Variants in RYR3 observed in about 807,000 individuals in gnomAD.
RYR3 encodes the protein brain ryanodine receptor-calcium release channel.
In RYR3, 207 loss-of-function variants were observed where a neutral mutation model predicts 584.3. The ratio of observed to expected loss-of-function variants is 0.35; its 90% CI spans 0.32 to 0.40. The LOEUF (loss-of-function observed/expected upper bound fraction) is 0.40. RYR3 is among the 10% of genes least tolerant of loss of function. The probability of loss-of-function intolerance (pLI) is 1.00; values close to 1 mark genes in which losing one functional copy is unlikely to be tolerated. For missense variants in RYR3, 5,616 were observed against 6,089.2 expected, an observed-to-expected ratio of 0.92 and a Z score of 2.59; for synonymous variants, 2,416 against 2,248.5, an observed-to-expected ratio of 1.07 and a Z score of -2.11.
chr15:33,543,847 T>C (rs2056029513), intron 8 of RYR3, 132 bp downstream of exon 8: 17 of 705,588 alleles, frequency 2.4e-5, no homozygotes, highest in Middle Eastern at 2.4e-4. Flanking sequence ...CCTCCAGCCA[T>C]GGGTTCCGGT....
chr15:33,833,640 A>G (rs16958116), intron 86 of RYR3, among the ~76,000 whole-genome samples: 30,215 of 152,254 alleles, frequency 0.2, 3,246 homozygotes, highest in Middle Eastern at 0.33. Context: ...AGAACTTCCC[A>G]TGGAGCACGA....
chr15:33,671,405 T>A (rs975258413), intron 38 of RYR3, among the ~76,000 whole-genome samples: 1 of 152,218 alleles, frequency 6.6e-6, no homozygotes, highest in Non-Finnish European at 1.5e-5. Flanking sequence ...CAATTGACTG[T>A]CAAGATAGGA....
At chr15:33,625,289 C>A (rs1004030668) in intron 20 of RYR3, among the ~76,000 whole-genome samples, 1 of 152,126 alleles carries the variant, frequency 6.6e-6, no homozygotes, top group African/African-American at 2.4e-5. Flanking sequence ...GCCCTTCCCC[C>A]GACATGTGGG....
chr15:33,566,606 T>A, intron 11 of RYR3, 72 bp from the exon 12 acceptor site: 1 of 1,514,044 alleles, frequency 6.6e-7, no homozygotes. Flanking sequence ...AGGGCAATAC[T>A]GCGGGAAATG....
chr15:33,658,371 A>G (rs2062947573), intron 32 of RYR3, among the ~76,000 whole-genome samples: 1 of 152,192 alleles, frequency 6.6e-6, no homozygotes, highest in African/African-American at 2.4e-5. Flanking sequence ...TTCTAACAGT[A>G]TAGCTGCTCA....
At chr15:33,503,080 G>A (rs1447467120) in intron 2 of RYR3, among the ~76,000 whole-genome samples, 2 of 152,134 alleles carry the variant, frequency 1.3e-5, no homozygotes, top group Non-Finnish European at 2.9e-5. Context: ...TTGTTATAGG[G>A]ATCATCAATT....
At chr15:33,537,703 C>T (rs73384674) in intron 5 of RYR3, among the ~76,000 whole-genome samples, 2,352 of 152,262 alleles carry the variant, frequency 0.015, 66 homozygotes, top group African/African-American at 0.054. Context: ...AGCGATGTGT[C>T]TTGGCGTGGC....
Position 33,838,071 on chromosome 15 carries a change from C to T in RYR3, c.12091C>T (p.Arg4031Cys), listed in dbSNP as rs376071087. The T allele has an allele frequency of 1.2e-4, 188 of 1,613,788 alleles. No individual in the cohort carries two copies. Among genetic ancestry groups the T allele is most frequent in the Middle Eastern group, 4.9e-4 (3 of 6,084 alleles). The change falls in exon 89 of 104, where the codon CGC (arginine) becomes TGC (cysteine). Residue 4031 changes from arginine to cysteine, a missense_variant. This residue lies in a region of RYR3 where 258 missense variants were observed against 297.3 expected (regional missense o/e 0.87). Coordinates refer to ENST00000634891, the MANE Select transcript of RYR3 (RefSeq NM_001036.6). ...VLNYFEPYLG[R>C]IEIMGGAKKI... ...AAATTACTTCGAACCCTACCTAGGA[C>T]GCATCGAGATCATGGGTGGGGCCAA...
intron 38 of RYR3, among the ~76,000 whole-genome samples, chr15:33,684,743 A>C (rs1278881180): frequency 6.6e-6 from 1 of 152,228 alleles, no homozygotes; most frequent in Non-Finnish European, 1.5e-5. Flanking sequence ...TTAGACTAAC[A>C]ATGGATCTCT....
intron 3 of RYR3, among the ~76,000 whole-genome samples, chr15:33,515,892 A>ATG (rs1209091023): frequency 1.3e-5 from 2 of 152,082 alleles, no homozygotes; most frequent in Non-Finnish European, 2.9e-5. Flanking sequence ...TATTTTGCGT[A>ATG]TGTGTGTGTG....
chr15:33,327,066 C>T (rs62013800), intron 1 of RYR3, among the ~76,000 whole-genome samples: 6 of 150,850 alleles, frequency 4.0e-5, no homozygotes, highest in Non-Finnish European at 7.4e-5. Context: ...AAGTGAAAGA[C>T]GAGACGCATG....
At chr15:33,346,041 C>T (rs1039546476) in intron 1 of RYR3, among the ~76,000 whole-genome samples, 5 of 152,144 alleles carry the variant, frequency 3.3e-5, no homozygotes, top group African/African-American at 1.2e-4. Flanking sequence ...TACAGCATTT[C>T]ATTGAATGGA....
intron 43 of RYR3, among the ~76,000 whole-genome samples, chr15:33,719,613 T>G (rs542440370): frequency 6.6e-6 from 1 of 152,356 alleles, no homozygotes; most frequent in South Asian, 2.1e-4. Context: ...AGGGCTGATG[T>G]ATGTGCTACC....
At chr15:33,416,734 T>A (rs1258892461) in intron 1 of RYR3, among the ~76,000 whole-genome samples, 1 of 152,216 alleles carries the variant, frequency 6.6e-6, no homozygotes, top group Non-Finnish European at 1.5e-5. Flanking sequence ...TTACATTTGC[T>A]TTTGAGGACT....
Position 33,826,980 on chromosome 15 carries a change from A to G in RYR3, c.11246-219A>G, listed in dbSNP as rs189117796. 3.3e-5 allele frequency among the ~76,000 whole-genome samples: 5 copies of G among 152,292 alleles called. No individual in the cohort carries two copies. In the East Asian group the frequency reaches 9.7e-4, roughly 29 times the overall value. ...GAAATCTAAATACCCAGCCCTTTCC[A>G]TCTAGCCCCTTGGGGCTCGTTAAGT... On this transcript the variant is annotated intron_variant, in intron 84 of 103. Coordinates refer to ENST00000634891, the MANE Select transcript of RYR3 (RefSeq NM_001036.6).
At chr15:33,794,127 ATTT>A (rs1481774688) in intron 67 of RYR3, among the ~76,000 whole-genome samples, 5 of 110,590 alleles carry the variant, frequency 4.5e-5, no homozygotes, top group African/African-American at 8.5e-5. Flanking sequence ...ATAAATATAT[ATTT>A]ATATATAATA....
chr15:33,750,913 G>T (rs192581884), intron 57 of RYR3, among the ~76,000 whole-genome samples: 3 of 151,768 alleles, frequency 2.0e-5, no homozygotes, highest in South Asian at 2.1e-4. Context: ...GATGTTCCCC[G>T]CCCTGTGTCC....
intron 1 of RYR3, among the ~76,000 whole-genome samples, chr15:33,323,078 T>C (rs961265829): frequency 6.6e-6 from 1 of 151,498 alleles, no homozygotes; most frequent in Non-Finnish European, 1.5e-5. Flanking sequence ...TATTTTCTCT[T>C]CCGTGCTATA....
At chr15:33,828,212 G>A (rs2077478302) in intron 85 of RYR3, among the ~76,000 whole-genome samples, 1 of 152,190 alleles carries the variant, frequency 6.6e-6, no homozygotes, top group South Asian at 2.1e-4. Context: ...TGTTGCATGT[G>A]TTCTCACCAT....
Sources: allele counts gnomAD v4.1 joint callset (sites outside exome capture counted in the v4.1 genomes callset), GRCh38; gene constraint gnomAD v4.1.1; regional missense constraint gnomAD v4.1.1; transcripts MANE v1.5; gene names NCBI Gene and HGNC (gene_info 2026-07-23, HGNC 2026-07-21).